Variants in ARAP2 observed in about 807,000 individuals in gnomAD.
ARAP2 encodes the protein ArfGAP with RhoGAP domain, ankyrin repeat and PH domain 2.
In ARAP2, 148 loss-of-function variants were observed where a neutral mutation model predicts 194.5. The ratio of observed to expected loss-of-function variants is 0.76; its 90% CI spans 0.67 to 0.87. The LOEUF (loss-of-function observed/expected upper bound fraction) is 0.87, where lower values mean the gene tolerates loss of function less well. Ranked by LOEUF, ARAP2 falls within the 40% of genes least tolerant of loss-of-function variation. The probability of loss-of-function intolerance (pLI) is 0.00; values close to 1 mark genes in which losing one functional copy is unlikely to be tolerated. For missense variants in ARAP2, 2,128 were observed against 1,989.7 expected (o/e 1.07, Z -1.32); for synonymous variants, 695 against 683.5 (o/e 1.02, Z -0.26).
intron 32 of ARAP2, among the ~76,000 whole-genome samples, chr4:36,071,251 A>G (rs1430091996): frequency 6.6e-6 from 1 of 152,208 alleles, no homozygotes; most frequent in Non-Finnish European, 1.5e-5. Flanking sequence ...TAATCACAAC[A>G]GCACTATAAG....
chr4:36,195,917 AAC>A (rs1296514451), intron 6 of ARAP2, among the ~76,000 whole-genome samples: 2 of 152,234 alleles, frequency 1.3e-5, no homozygotes, highest in Admixed American at 1.3e-4. Flanking sequence ...ATCAGCAAGT[AAC>A]ACAGAGAGGA....
intron 31 of ARAP2, among the ~76,000 whole-genome samples, chr4:36,074,737 G>T (rs1727843721): frequency 6.6e-6 from 1 of 151,942 alleles, no homozygotes; most frequent in Admixed American, 6.6e-5. Flanking sequence ...ATTTCTCTCA[G>T]TTCTTAAGCA....
chr4:36,078,060 A>G (rs1350571140), intron 31 of ARAP2, among the ~76,000 whole-genome samples: 1 of 152,120 alleles, frequency 6.6e-6, no homozygotes. Flanking sequence ...CTATTTTATC[A>G]CATGGATATC....
chr4:36,051,855 A>C (rs1722722396), intron 3 of ARAP2, among the ~76,000 whole-genome samples: 1 of 152,224 alleles, frequency 6.6e-6, no homozygotes, highest in African/African-American at 2.4e-5. Context: ...AGGCAATTCA[A>C]ATGCTGTTTG....
chr4:36,051,442 A>C (rs1244815882), intron 3 of ARAP2, among the ~76,000 whole-genome samples: 1 of 152,094 alleles, frequency 6.6e-6, no homozygotes, highest in African/African-American at 2.4e-5. Context: ...ACACCATTGC[A>C]CTCCAGCCTG....
At chr4:36,062,857 A>T (rs891064815), downstream of ARAP2, among the ~76,000 whole-genome samples, 2 of 152,190 alleles carry the variant, frequency 1.3e-5, no homozygotes, top group Non-Finnish European at 2.9e-5. Flanking sequence ...TATTTTAAAT[A>T]AAAAATGTTA....
chr4:36,022,785 A>C (rs1167516373), intron 5 of ARAP2, among the ~76,000 whole-genome samples: 1 of 152,146 alleles, frequency 6.6e-6, no homozygotes, highest in Non-Finnish European at 1.5e-5. Flanking sequence ...CCCCTCCAAA[A>C]TTTCATTTTG....
At chr4:36,243,110 T>C (rs77630362) in intron 1 of ARAP2, among the ~76,000 whole-genome samples, 3,193 of 151,824 alleles carry the variant, frequency 0.021, 70 homozygotes, top group African/African-American at 0.052. Flanking sequence ...AAAAAGAGTT[T>C]AAAGGTATTT....
chr4:36,124,893 T>C lies in ARAP2; in HGVS notation c.3715A>G (p.Thr1239Ala). ...AGGTGTTCAATGATAGCTGCTAGTG[T>C]TGCTCGGTTGACCCCTGGAAGAGAA... Reference protein sequence around the residue: ...IRSLPGVNRATLAAIIEHLYR... With the variant: ...IRSLPGVNRAALAAIIEHLYR... The change falls in exon 22 of 33, where the codon ACA becomes GCA. Residue 1239 changes from threonine to alanine, a missense_variant. Transcript: ENST00000303965. 1 of 1,611,162 alleles carries C rather than the reference T, an allele frequency of 6.2e-7. No individual in the cohort carries two copies. The highest frequency in any genetic ancestry group is 8.5e-7 in the Non-Finnish European group (1 of 1,178,128).
At position 36,221,265 on chromosome 4, in the gene ARAP2, C is replaced by T. The variant is rs189227966; in HGVS notation, c.906-6785G>A. Among the ~76,000 whole-genome samples the T allele has an allele frequency of 2.0e-5, 3 of 152,026 alleles. No individual in the cohort carries two copies. In the East Asian group the frequency reaches 5.8e-4, roughly 29 times the overall value. ...GATGTCCAAATAAGGACAAAAGCAC[C>T]TAATGGCATATTTCTCAGAATGTGT... On this transcript the variant is annotated intron_variant, in intron 2 of 32. Coordinates refer to ENST00000303965, the MANE Select transcript of ARAP2 (RefSeq NM_015230.4).
chr4:36,135,029 G>A (rs1404670451), intron 19 of ARAP2, among the ~76,000 whole-genome samples: 2 of 151,716 alleles, frequency 1.3e-5, no homozygotes, highest in Non-Finnish European at 2.9e-5. Flanking sequence ...CCGGTCATTA[G>A]CATAGTGTCT....
intron 8 of ARAP2, among the ~76,000 whole-genome samples, chr4:36,014,295 A>AAGAAAGAAAGAAG (rs1553861836): frequency 5.9e-4 from 84 of 143,328 alleles, no homozygotes; most frequent in African/African-American, 2.2e-3. Flanking sequence ...GAAAGAAAGA[A>AAGAAAGAAAGAAG]AGAAGAGAAG....
intron 6 of ARAP2, among the ~76,000 whole-genome samples, chr4:36,198,320 A>C (rs945818625): frequency 6.6e-6 from 1 of 152,166 alleles, no homozygotes; most frequent in African/African-American, 2.4e-5. Flanking sequence ...AGTGTGCACC[A>C]ACTGGTCCAT....
chr4:36,181,446 G>A (rs1364488641), intron 8 of ARAP2, among the ~76,000 whole-genome samples: 1 of 151,984 alleles, frequency 6.6e-6, no homozygotes, highest in Non-Finnish European at 1.5e-5. Flanking sequence ...AATATTCTCT[G>A]GACTACTGGG....
At chr4:36,050,662 A>G (rs570917295) in intron 3 of ARAP2, among the ~76,000 whole-genome samples, 2 of 152,216 alleles carry the variant, frequency 1.3e-5, no homozygotes, top group Non-Finnish European at 2.9e-5. Flanking sequence ...ACACAAAAGT[A>G]GTTATTTATG....
At chr4:36,093,763 C>T (rs992675965) in intron 27 of ARAP2, among the ~76,000 whole-genome samples, 1 of 152,114 alleles carries the variant, frequency 6.6e-6, no homozygotes, top group African/African-American at 2.4e-5. Context: ...TTTTTCAGCC[C>T]TTATCCTCCT....
chr4:36,107,587 A>G lies in ARAP2; in HGVS notation c.4263T>C (p.Ala1421=). The G allele has an allele frequency of 6.2e-7, 1 of 1,610,398 alleles. No individual in the cohort carries two copies. Among genetic ancestry groups the G allele is most frequent in the Non-Finnish European group, 8.5e-7 (1 of 1,177,942 alleles). Residue 1421 remains alanine, a synonymous_variant, in exon 27 of 33, where the codon GCT becomes GCC. Transcript: ENST00000303965. ...TACCACTGCAGTGTTTAATTGTGTC[A>G]GCGGTTAAGAATCTCTTCACCACCA... ...AYLVVKRFLT[A]DTIKHCSDRS... is the part of the protein sequence containing the mutation.
In ARAP2 at chr4:36,024,568, A is replaced by G. The variant is rs1205998799; in HGVS notation, n.608-5282T>C. Among the ~76,000 whole-genome samples the G allele has an allele frequency of 2.0e-5, 3 of 152,266 alleles. No homozygotes were observed. The East Asian group carries it at 5.8e-4, about 29-fold the overall frequency. ...CATTAGGTTCATAAAAGAGTGAGCT[A>G]AAACTTGAATCCAGTTGTACTAGCA... On this transcript the variant is annotated intron_variant and non_coding_transcript_variant, in intron 5 of 12. Coordinates refer to the ARAP2 transcript ENST00000503225.
chr4:36,089,260 A>C (rs1036559736), intron 28 of ARAP2, among the ~76,000 whole-genome samples: 2 of 152,086 alleles, frequency 1.3e-5, no homozygotes, highest in African/African-American at 4.8e-5. Context: ...TTTGGTTTCA[A>C]AGGTTTTAAA....
Sources: gnomAD v4.1 joint callset for allele counts (sites outside exome capture counted in the v4.1 genomes callset) on GRCh38, gnomAD v4.1.1 for gene constraint, MANE v1.5 for transcripts, NCBI Gene and HGNC (gene_info 2026-07-23, HGNC 2026-07-21) for gene names.